LTBP1: variants seen among roughly 807,000 people sequenced by gnomAD.
LTBP1 encodes latent transforming growth factor beta binding protein 1.
Under a neutral mutation model 207.6 loss-of-function variants are expected in LTBP1, and 129 were observed. The ratio of observed to expected loss-of-function variants is 0.62; its 90% CI spans 0.54 to 0.72. LTBP1 has a LOEUF of 0.72. LTBP1 is among the 30% of genes least tolerant of loss of function. LTBP1 has a pLI of 0.00. For missense variants in LTBP1, 2,281 were observed against 2,217.2 expected (o/e 1.03, Z -0.58); for synonymous variants, 963 against 833.7 (o/e 1.16, Z -2.67).
intron 3 of LTBP1, among the ~76,000 whole-genome samples, chr2:33,074,075 G>A (rs140748356): frequency 1.3e-5 from 2 of 152,314 alleles, no homozygotes; most frequent in East Asian, 3.9e-4. Flanking sequence ...TTTCTGTTGT[G>A]AGCTAATGGT....
intron 2 of LTBP1, among the ~76,000 whole-genome samples, chr2:32,951,660 G>A (rs921123172): frequency 6.6e-6 from 1 of 152,182 alleles, no homozygotes. Context: ...ACTCAGAAAT[G>A]ACTGTGCTAA....
chr2:33,112,074 CA>C (rs1204350432), intron 4 of LTBP1, among the ~76,000 whole-genome samples: 1 of 152,010 alleles, frequency 6.6e-6, no homozygotes, highest in African/African-American at 2.4e-5. Context: ...ATACAGATGA[CA>C]ATTTTTTTAA....
intron 3 of LTBP1, among the ~76,000 whole-genome samples, chr2:33,068,766 ATAAT>A (rs1396060142): frequency 2.0e-5 from 3 of 152,204 alleles, no homozygotes; most frequent in Non-Finnish European, 2.9e-5. Flanking sequence ...TTATATACAA[ATAAT>A]TATACTTTGT....
intron 2 of LTBP1, among the ~76,000 whole-genome samples, chr2:33,008,378 T>G (rs936938840): frequency 9.9e-5 from 15 of 152,228 alleles, no homozygotes; most frequent in African/African-American, 3.4e-4. Context: ...TTAAGTATGT[T>G]TAAAGTAGCC....
intron 3 of LTBP1, among the ~76,000 whole-genome samples, chr2:33,095,240 C>T (rs2079321254): frequency 6.6e-6 from 1 of 152,096 alleles, no homozygotes; most frequent in South Asian, 2.1e-4. Context: ...ATAAAGTGAA[C>T]TATTTGAAGG....
At chr2:33,106,566 C>G (rs753551444) in intron 3 of LTBP1, among the ~76,000 whole-genome samples, 19 of 151,890 alleles carry the variant, frequency 1.3e-4, no homozygotes, top group Non-Finnish European at 2.5e-4. Context: ...TCTTGGGTGA[C>G]CAGGTGGATT....
chr2:33,364,205 T>A lies in LTBP1; in HGVS notation c.4400-11T>A, dbSNP rs1479758408. The A allele has an allele frequency of 6.2e-7, 1 of 1,611,222 alleles. No homozygotes were observed. Among genetic ancestry groups the A allele is most frequent in the Non-Finnish European group, 8.5e-7 (1 of 1,179,172 alleles). ...TGATTTTCTTTAGTAATACTTTTTT[T>A]TGCTCTTAAGATATGGATGAATGTC... is the stretch of plus-strand genomic sequence containing the variant. On this transcript the variant is annotated splice_polypyrimidine_tract_variant and intron_variant, in intron 29 of 33. Transcript: ENST00000404816.
rs117547721 is a variant in LTBP1, at chr2:33,287,401, G to A, written c.3113-5759G>A. Among the ~76,000 whole-genome samples the A allele has an allele frequency of 4.6e-5, 7 of 152,218 alleles. No individual in the cohort carries two copies. The East Asian group carries it at 9.6e-4, about 21-fold the overall frequency. On this transcript the variant is annotated intron_variant, in intron 19 of 33. Transcript: ENST00000404816. ...TGTCTCATGTACCCTTCGTGTACAC[G>A]TAAGAAAACTAAAGAACAAAACAAT... is the stretch of plus-strand genomic sequence containing the variant.
intron 2 of LTBP1, among the ~76,000 whole-genome samples, chr2:33,019,886 T>C (rs1391541712): frequency 6.6e-6 from 1 of 151,076 alleles, no homozygotes; most frequent in East Asian, 1.9e-4. Flanking sequence ...TTTTTTTTTT[T>C]TTTTTTTGGT....
chr2:33,039,399 G>T (rs1322446725), intron 3 of LTBP1, among the ~76,000 whole-genome samples: 1 of 152,030 alleles, frequency 6.6e-6, no homozygotes, highest in East Asian at 1.9e-4. Flanking sequence ...AATTTTGGTA[G>T]CTTTGGTAGC....
intron 20 of LTBP1, among the ~76,000 whole-genome samples, chr2:33,297,673 C>T (rs2093906429): frequency 6.6e-6 from 1 of 152,138 alleles, no homozygotes; most frequent in South Asian, 2.1e-4. Flanking sequence ...ATCCGCCCAC[C>T]TCGGCCTCCC....
At chr2:33,249,279 G>T (rs1227380228) in intron 10 of LTBP1, among the ~76,000 whole-genome samples, 2 of 150,424 alleles carry the variant, frequency 1.3e-5, no homozygotes, top group Non-Finnish European at 3.0e-5. Context: ...GCTTGTGGGA[G>T]TTATTTATAT....
chr2:33,032,188 G>A (rs536532150), intron 3 of LTBP1, among the ~76,000 whole-genome samples: 1 of 152,238 alleles, frequency 6.6e-6, no homozygotes, highest in South Asian at 2.1e-4. Flanking sequence ...GGAAAGTAGG[G>A]GATATCATTG....
chr2:32,997,376 A>G (rs1369396137), intron 2 of LTBP1, among the ~76,000 whole-genome samples: 4 of 152,156 alleles, frequency 2.6e-5, no homozygotes, highest in Non-Finnish European at 4.4e-5. Flanking sequence ...AAGGCATAGT[A>G]GGGCATGCCT....
intron 23 of LTBP1, among the ~76,000 whole-genome samples, chr2:33,310,352 A>G (rs981898244): frequency 6.6e-6 from 1 of 152,190 alleles, no homozygotes; most frequent in Admixed American, 6.5e-5. Flanking sequence ...TAATCTTCCA[A>G]ACTGTACAGT....
rs143090123 is a variant in LTBP1 at position 33,014,705 on chromosome 2, C to T, written c.566-6204C>T. Among the ~76,000 whole-genome samples, 557 of 152,216 alleles carry T rather than the reference C, an allele frequency of 3.7e-3. 3 individuals carry two copies. Among genetic ancestry groups the T allele is most frequent in the African/African-American group, 0.013 (537 of 41,522 alleles). On this transcript the variant is annotated intron_variant, in intron 2 of 33. Coordinates refer to ENST00000404816, the MANE Select transcript of LTBP1 (RefSeq NM_206943.4). ...TGAGCTTCAGGGCATGGGTTACTTC[C>T]TAAAAATACAATCACTGAACTTTTA... is the stretch of plus-strand genomic sequence containing the variant.
At chr2:33,397,054 A>G (rs1426644598) in intron 32 of LTBP1, 79 bp from the exon 33 acceptor site, 1 of 1,342,414 alleles carries the variant, frequency 7.4e-7, no homozygotes, top group African/African-American at 1.5e-5. Flanking sequence ...TGGAAAATGA[A>G]CCATCATCTA....
chr2:32,974,768 A>T (rs890806630), intron 2 of LTBP1, among the ~76,000 whole-genome samples: 1 of 152,140 alleles, frequency 6.6e-6, no homozygotes, highest in African/African-American at 2.4e-5. Context: ...TACGGATGTC[A>T]TTTTATGTGA....
intron 5 of LTBP1, among the ~76,000 whole-genome samples, chr2:33,140,997 C>T (rs2082606854): frequency 6.6e-6 from 1 of 152,166 alleles, no homozygotes; most frequent in Non-Finnish European, 1.5e-5. Context: ...CTGTAGACCA[C>T]CTTTAAAAGG....
Sources: gnomAD v4.1 joint callset for allele counts (sites outside exome capture counted in the v4.1 genomes callset) on GRCh38, gnomAD v4.1.1 for gene constraint, MANE v1.5 for transcripts, NCBI Gene and HGNC (gene_info 2026-07-23, HGNC 2026-07-21) for gene names.